RYR2: variants seen among roughly 807,000 people sequenced by gnomAD.
The protein encoded by RYR2 is ryanodine receptor 2.
RYR2 carries 227 observed loss-of-function variants against 601.1 expected under a neutral mutation model. The observed-to-expected ratio is 0.38, with a 90% CI of 0.34 to 0.42. RYR2 has a LOEUF of 0.42. Among genes scored for constraint, RYR2 ranks in the 10% least tolerant of loss-of-function variants. The pLI is 1.00. For synonymous variants in RYR2, 2,223 were observed against 2,175.1 expected (o/e 1.02, Z -0.61); for missense variants, 4,646 against 6,156.5 (o/e 0.75, Z 8.21).
chr1:237,186,826 T>C (rs1480403771), intron 1 of RYR2, among the ~76,000 whole-genome samples: 1 of 152,224 alleles, frequency 6.6e-6, no homozygotes, highest in African/African-American at 2.4e-5. Context: ...GCAGTAAATT[T>C]TCAGCATCTG....
At chr1:237,176,738 T>A (rs1257563111) in intron 1 of RYR2, among the ~76,000 whole-genome samples, 1 of 152,182 alleles carries the variant, frequency 6.6e-6, no homozygotes, top group East Asian at 1.9e-4. Context: ...ACATTTCAGG[T>A]GTTAAATTTT....
intron 1 of RYR2, among the ~76,000 whole-genome samples, chr1:237,204,239 C>T (rs1681527258): frequency 6.6e-6 from 1 of 151,972 alleles, no homozygotes; most frequent in South Asian, 2.1e-4. Flanking sequence ...GAACACCTAA[C>T]CTCAGGTGAT....
intron 1 of RYR2, among the ~76,000 whole-genome samples, chr1:237,084,379 T>A (rs1374700938): frequency 1.3e-5 from 2 of 152,182 alleles, no homozygotes; most frequent in East Asian, 3.9e-4. Flanking sequence ...AATCTGTGAA[T>A]ACTAAGACCC....
chr1:237,155,189 T>TTC (rs924410288), intron 1 of RYR2, among the ~76,000 whole-genome samples: 1 of 148,522 alleles, frequency 6.7e-6, no homozygotes, highest in African/African-American at 2.5e-5. Flanking sequence ...CTTTTTTTTT[T>TTC]TTTTTTGACA....
chr1:237,510,160 C>T (rs1665740230), intron 23 of RYR2, among the ~76,000 whole-genome samples: 1 of 152,134 alleles, frequency 6.6e-6, no homozygotes, highest in South Asian at 2.1e-4. Flanking sequence ...GGAAGAGAGA[C>T]AGGGAGAGGG....
intron 3 of RYR2, among the ~76,000 whole-genome samples, chr1:237,344,182 G>A (rs959785550): frequency 6.6e-6 from 1 of 152,210 alleles, no homozygotes; most frequent in Non-Finnish European, 1.5e-5. Context: ...GAAGAAATAT[G>A]TGCAGCTGGG....
intron 1 of RYR2, among the ~76,000 whole-genome samples, chr1:237,237,906 T>TCCCC (rs1558476487): frequency 7.0e-6 from 1 of 142,896 alleles, no homozygotes; most frequent in Non-Finnish European, 1.6e-5. Context: ...CCCTTTCCTT[T>TCCCC]TTCCTTTCCT....
chr1:237,371,994 G>T (rs1344226117), intron 6 of RYR2, among the ~76,000 whole-genome samples: 2 of 152,208 alleles, frequency 1.3e-5, no homozygotes, highest in East Asian at 3.9e-4. Context: ...CATGGCACAT[G>T]TATACGTATG....
intron 1 of RYR2, among the ~76,000 whole-genome samples, chr1:237,240,643 G>C (rs1686044964): frequency 5.4e-5 from 1 of 18,452 alleles, no homozygotes; most frequent in African/African-American, 7.5e-5. Flanking sequence ...GTCAAGTGTT[G>C]TATTGCCCCC....
intron 2 of RYR2, among the ~76,000 whole-genome samples, chr1:237,296,837 T>C (rs1692829223): frequency 6.6e-6 from 1 of 152,170 alleles, no homozygotes; most frequent in Non-Finnish European, 1.5e-5. Context: ...CTTTTTTGAG[T>C]CTTCTAAAAA....
intron 10 of RYR2, among the ~76,000 whole-genome samples, chr1:237,389,652 T>A (rs12076031): frequency 0.017 from 2,627 of 152,316 alleles, 82 homozygotes; most frequent in African/African-American, 0.059. Flanking sequence ...AGAAGGTATC[T>A]AATCCAGCGC....
At chr1:237,813,931 C>G (rs1047919531) in intron 100 of RYR2, among the ~76,000 whole-genome samples, 2 of 152,194 alleles carry the variant, frequency 1.3e-5, no homozygotes, top group Non-Finnish European at 2.9e-5. Flanking sequence ...AAGACACAAG[C>G]CACTTTTTCA....
At chr1:237,077,810 C>A (rs1665173290) in intron 1 of RYR2, among the ~76,000 whole-genome samples, 2 of 152,184 alleles carry the variant, frequency 1.3e-5, no homozygotes, top group Admixed American at 6.5e-5. Flanking sequence ...CACCCCAAAT[C>A]AACAGAATAT....
chr1:237,353,511 G>GAA (rs61606386), intron 3 of RYR2, among the ~76,000 whole-genome samples: 149 of 52,718 alleles, frequency 2.8e-3, no homozygotes, highest in South Asian at 0.011. Flanking sequence ...TCCGTCTCAA[G>GAA]AAAAAAAAAA....
intron 80 of RYR2, among the ~76,000 whole-genome samples, chr1:237,748,180 G>A (rs534092873): frequency 6.6e-6 from 1 of 152,246 alleles, no homozygotes; most frequent in African/African-American, 2.4e-5. Flanking sequence ...GAATGAGGGA[G>A]GGCAAGTAGA....
At chr1:237,546,609 G>T (rs1669833848) in intron 25 of RYR2, among the ~76,000 whole-genome samples, 1 of 152,014 alleles carries the variant, frequency 6.6e-6, no homozygotes, top group Non-Finnish European at 1.5e-5. Flanking sequence ...TTGAACTCCT[G>T]ACCTCAAGCG....
chr1:237,408,813 G>C (rs1704161769), intron 10 of RYR2, among the ~76,000 whole-genome samples: 1 of 152,076 alleles, frequency 6.6e-6, no homozygotes. Flanking sequence ...CCATGAACAT[G>C]GAATAGCTCT....
chr1:237,779,495 T>C (rs1249924844), intron 88 of RYR2, among the ~76,000 whole-genome samples: 1 of 152,176 alleles, frequency 6.6e-6, no homozygotes, highest in African/African-American at 2.4e-5. Context: ...TAGAAGAATG[T>C]CAGATTAAAA....
rs76433903 is a variant in RYR2 at position 237,377,502 on chromosome 1, T to G, written c.576+67T>G. 8.2e-3 allele frequency: 9,706 copies of G among 1,183,734 alleles called. 932 individuals are homozygous for G. In the East Asian group the frequency reaches 0.21, roughly 25 times the overall value. The allele number at this position is 1,183,734 out of a possible 1,614,324, so 73.3% of individuals were successfully genotyped here. On this transcript the variant is annotated intron_variant, in intron 8 of 104. Coordinates refer to ENST00000366574, the MANE Select transcript of RYR2 (RefSeq NM_001035.3). ...AATGACAAGTCAATAAAATGATCTC[T>G]TTAAGGTTTATATTGTAAATTATCT... is the stretch of plus-strand genomic sequence containing the variant.
Sources: allele counts gnomAD v4.1 joint callset (sites outside exome capture counted in the v4.1 genomes callset), GRCh38; gene constraint gnomAD v4.1.1; transcripts MANE v1.5; gene names NCBI Gene and HGNC (gene_info 2026-07-23, HGNC 2026-07-21).